The following TMEM150C variants were observed in gnomAD, a reference collection of about 807,000 sequenced individuals.
TMEM150C encodes the protein tentonin 3.
In TMEM150C, 10 loss-of-function variants were observed where a neutral mutation model predicts 29.9. The ratio of observed to expected loss-of-function variants is 0.33; its 90% CI spans 0.21 to 0.57. The LOEUF (loss-of-function observed/expected upper bound fraction) is 0.57, where lower values mean the gene tolerates loss of function less well. TMEM150C is among the 20% of genes least tolerant of loss of function. The probability of loss-of-function intolerance (pLI) is 0.88; values close to 1 mark genes in which losing one functional copy is unlikely to be tolerated. For missense variants in TMEM150C, 251 were observed against 303.6 expected, an observed-to-expected ratio of 0.83 and a Z score of 1.29; for synonymous variants, 101 against 112.5, an observed-to-expected ratio of 0.90 and a Z score of 0.64.
chr4:82,505,147 A>T (rs1271068540), intron 1 of TMEM150C, among the ~76,000 whole-genome samples: 1 of 152,240 alleles, frequency 6.6e-6, no homozygotes, highest in Admixed American at 6.5e-5. Flanking sequence ...GAAACAGTTA[A>T]CATGGATGAT....
intron 1 of TMEM150C, among the ~76,000 whole-genome samples, chr4:82,518,540 T>C (rs1724371955): frequency 1.3e-5 from 2 of 152,188 alleles, no homozygotes; most frequent in Non-Finnish European, 2.9e-5. Context: ...TACTTCCCTA[T>C]GAAGTGGATC....
chr4:82,535,932 C>CCCT (rs889458080), intron 1 of TMEM150C, among the ~76,000 whole-genome samples: 11 of 152,160 alleles, frequency 7.2e-5, no homozygotes, highest in East Asian at 5.8e-4. Flanking sequence ...TGTAGCACCC[C>CCCT]CCTCCCTGCT....
rs573295082 is a variant in TMEM150C at position 82,549,512 on chromosome 4, A to G, written c.-11+12394T>C. On this transcript the variant is annotated intron_variant, in intron 1 of 7. Transcript: ENST00000449862. ...ATGGGTATAGAGTTTCAGTTCTGTA[A>G]GACGAAAGAAGTTTTGGAGATTGGA... 3.6e-4 allele frequency among the ~76,000 whole-genome samples: 55 copies of G among 152,320 alleles called. 1 individual carries two copies. Among genetic ancestry groups the G allele is most frequent in the African/African-American group, 1.3e-3 (52 of 41,568 alleles).
At chr4:82,496,301 G>A in intron 5 of TMEM150C, 106 bp from the exon 6 acceptor site, 1 of 1,156,134 alleles carries the variant, frequency 8.6e-7, no homozygotes, top group Non-Finnish European at 1.2e-6. Flanking sequence ...TATTTTCTTA[G>A]GTAAGAGGCA....
At chr4:82,490,037 A>C in intron 7 of TMEM150C, 24 bp downstream of exon 7, 1 of 1,606,588 alleles carries the variant, frequency 6.2e-7, no homozygotes, top group Non-Finnish European at 8.5e-7. Context: ...CTGGCAAAAG[A>C]AGCTTTTCAC....
chr4:82,519,410 T>TTTTC (rs369302297), intron 1 of TMEM150C, among the ~76,000 whole-genome samples: 170 of 151,682 alleles, frequency 1.1e-3, no homozygotes, highest in South Asian at 1.5e-3. Flanking sequence ...TTCTCTTTCT[T>TTTTC]TTTCTTTCTT....
intron 6 of TMEM150C, chr4:82,495,485 G>T: frequency 2.8e-6 from 1 of 359,080 alleles, no homozygotes; most frequent in Admixed American, 3.2e-5. Flanking sequence ...TTAGGCCCCA[G>T]GTGACGAGGC....
intron 1 of TMEM150C, among the ~76,000 whole-genome samples, chr4:82,537,449 A>C (rs186967851): frequency 7.7e-4 from 118 of 152,272 alleles, no homozygotes; most frequent in African/African-American, 2.6e-3. Flanking sequence ...GTCCTTTTAC[A>C]CCCTTTGGAA....
chr4:82,527,225 C>T (rs1724685191), intron 1 of TMEM150C, among the ~76,000 whole-genome samples: 1 of 151,992 alleles, frequency 6.6e-6, no homozygotes, highest in African/African-American at 2.4e-5. Context: ...GACATTTTCA[C>T]ACGTAATTTG....
upstream of TMEM150C, chr4:82,562,209 G>C: frequency 3.1e-6 from 4 of 1,285,994 alleles, no homozygotes; most frequent in Non-Finnish European, 4.1e-6. Flanking sequence ...TCCTTCCGAA[G>C]CCTTTGTGGA....
At chr4:82,488,540 G>A (rs763683148) in intron 7 of TMEM150C, among the ~76,000 whole-genome samples, 3 of 152,146 alleles carry the variant, frequency 2.0e-5, no homozygotes, top group Non-Finnish European at 4.4e-5. Context: ...CTACCCTTTA[G>A]GAACCTTGAT....
chr4:82,485,396 ATG>A lies in TMEM150C; in HGVS notation c.*113_*114del, dbSNP rs3832273. ...GCTCATTTGGCAAATGTGGCCATGA[ATG>A]TGTGTGTGTGTGTGTGTGTGAAATG... On this transcript the variant is annotated 3_prime_UTR_variant, in exon 8 of 8. Coordinates refer to ENST00000449862, the MANE Select transcript of TMEM150C (RefSeq NM_001080506.3). The A allele has an allele frequency of 0.019, 11,754 of 631,402 alleles. No individual in the cohort carries two copies. The highest frequency in any genetic ancestry group is 0.026 in the East Asian group (772 of 29,630). 39.1% of individuals were successfully genotyped at this position (631,402 alleles called of 1,614,324 possible).
At chr4:82,492,398 G>A (rs972637041) in intron 6 of TMEM150C, among the ~76,000 whole-genome samples, 2 of 152,270 alleles carry the variant, frequency 1.3e-5, no homozygotes, top group African/African-American at 4.8e-5. Flanking sequence ...AAAGTGCTGG[G>A]ATTACAGGCA....
rs563353078 is a variant in TMEM150C, at chr4:82,491,293, T to C, written c.364-1055A>G. ...TCAGCCTGGGCCAACAGCTTCTGCT[T>C]CTTCTCTTGCTTTGTCTCTGGTCTG... On this transcript the variant is annotated intron_variant, in intron 6 of 7. Transcript: ENST00000449862. 18 of 680,078 alleles carry C rather than the reference T, an allele frequency of 2.6e-5. No homozygotes were observed. In the Admixed American group the frequency reaches 2.7e-4, roughly 10 times the overall value. 42.1% of individuals were successfully genotyped at this position (680,078 alleles called of 1,614,324 possible). A position where few individuals can be genotyped will look rare whatever the true frequency, so the allele number is the denominator to read the frequency against.
intron 1 of TMEM150C, among the ~76,000 whole-genome samples, chr4:82,536,843 T>C (rs1438658368): frequency 1.3e-5 from 2 of 152,218 alleles, no homozygotes; most frequent in African/African-American, 4.8e-5. Context: ...ATTCTTCATA[T>C]ATAATGTTAG....
In TMEM150C at chr4:82,529,513, C is replaced by A. The variant is rs907087432; in HGVS notation, c.-10-24846G>T. Among the ~76,000 whole-genome samples the A allele has an allele frequency of 4.6e-5, 7 of 152,246 alleles. 1 individual carries two copies. The highest frequency in any genetic ancestry group is 4.6e-4 in the Admixed American group (7 of 15,280). On this transcript the variant is annotated intron_variant, in intron 1 of 7. Transcript: ENST00000449862. ...TATGTTGCCCAGGCTGACTCAAATT[C>A]CTGGGCTCAAGCGATTCTCCTGCCT... is the stretch of plus-strand genomic sequence containing the variant.
At chr4:82,490,719 G>A in intron 6 of TMEM150C, 1 of 358,726 alleles carries the variant, frequency 2.8e-6, no homozygotes, top group South Asian at 2.4e-5. Context: ...GAGTAGCTGG[G>A]ACCACAGGTA....
intron 1 of TMEM150C, among the ~76,000 whole-genome samples, chr4:82,506,023 G>A (rs150070505): frequency 6.0e-4 from 91 of 152,140 alleles, no homozygotes; most frequent in African/African-American, 2.2e-3. Flanking sequence ...TGATTAAATG[G>A]CATCTCTAGG....
intron 1 of TMEM150C, among the ~76,000 whole-genome samples, chr4:82,525,058 T>C (rs1449532625): frequency 6.6e-6 from 1 of 152,194 alleles, no homozygotes; most frequent in Non-Finnish European, 1.5e-5. Context: ...GAATCAAGCA[T>C]TGTGAAATCA....
Sources: allele counts gnomAD v4.1 joint callset (sites outside exome capture counted in the v4.1 genomes callset), GRCh38; gene constraint gnomAD v4.1.1; transcripts MANE v1.5; gene names NCBI Gene and HGNC (gene_info 2026-07-23, HGNC 2026-07-21).